TRABD2B: variants seen among roughly 807,000 people sequenced by gnomAD.
TRABD2B encodes the protein metalloprotease TIKI2.
TRABD2B carries 14 observed loss-of-function variants against 40.1 expected under a neutral mutation model. That is an observed-to-expected ratio of 0.35 (90% CI 0.23 to 0.55). The LOEUF (loss-of-function observed/expected upper bound fraction) is 0.55. Among genes scored for constraint, TRABD2B ranks in the 20% least tolerant of loss-of-function variants. The probability of loss-of-function intolerance (pLI) is 0.90; values close to 1 mark genes in which losing one functional copy is unlikely to be tolerated. For missense variants in TRABD2B, 541 were observed against 648.6 expected, an observed-to-expected ratio of 0.83 and a Z score of 1.80; for synonymous variants, 263 against 277.0, an observed-to-expected ratio of 0.95 and a Z score of 0.50.
At chr1:47,790,411 G>GC (rs922380547) in intron 4 of TRABD2B, among the ~76,000 whole-genome samples, 1 of 151,978 alleles carries the variant, frequency 6.6e-6, no homozygotes, top group South Asian at 2.1e-4. Flanking sequence ...TTCCATCTGG[G>GC]CCCCCCCAGC....
intron 6 of TRABD2B, 103 bp from the exon 7 acceptor site, chr1:47,766,209 A>G: frequency 1.5e-6 from 1 of 653,602 alleles, no homozygotes; most frequent in Non-Finnish European, 2.8e-6. Flanking sequence ...TTTGCCTAAT[A>G]CAATGGAGAA....
intron 2 of TRABD2B, among the ~76,000 whole-genome samples, chr1:47,869,420 CA>C (rs1644108651): frequency 6.6e-6 from 1 of 152,354 alleles, no homozygotes; most frequent in Admixed American, 6.5e-5. Context: ...TCAGCAACAA[CA>C]GGTGTGATCA....
At chr1:47,806,885 A>G (rs975808389) in intron 2 of TRABD2B, among the ~76,000 whole-genome samples, 10 of 152,298 alleles carry the variant, frequency 6.6e-5, no homozygotes, top group African/African-American at 2.2e-4. Context: ...GTTTAGAGTC[A>G]GGGTCCCTTG....
At chr1:47,875,731 C>T in intron 2 of TRABD2B, among the ~76,000 whole-genome samples, 1 of 144,330 alleles carries the variant, frequency 6.9e-6, no homozygotes, top group South Asian at 2.3e-4. Context: ...AAAGAAAGAG[C>T]AGAAAAGAAA....
chr1:47,857,759 G>GTAGC (rs1373245975), intron 2 of TRABD2B, among the ~76,000 whole-genome samples: 1 of 152,140 alleles, frequency 6.6e-6, no homozygotes, highest in African/African-American at 2.4e-5. Flanking sequence ...CTCCCTGGAT[G>GTAGC]TAGCCACTGG....
At chr1:47,903,603 C>T (rs1324025745) in intron 2 of TRABD2B, among the ~76,000 whole-genome samples, 2 of 151,990 alleles carry the variant, frequency 1.3e-5, no homozygotes, top group African/African-American at 4.8e-5. Flanking sequence ...AGGCTTGAGA[C>T]CCTGAGAAAA....
At chr1:47,791,791 G>A (rs947895989) in intron 4 of TRABD2B, among the ~76,000 whole-genome samples, 4 of 152,212 alleles carry the variant, frequency 2.6e-5, no homozygotes, top group Admixed American at 1.3e-4. Flanking sequence ...GCTTTCATGC[G>A]GATGCGTTCC....
intron 2 of TRABD2B, among the ~76,000 whole-genome samples, chr1:47,926,989 C>T (rs982616414): frequency 5.3e-5 from 8 of 152,228 alleles, no homozygotes; most frequent in African/African-American, 1.9e-4. Flanking sequence ...TACATCTATA[C>T]ACAGGCACTA....
rs563024288 is a variant in TRABD2B, at chr1:47,997,000, A to C, written c.-211T>G. ...GTCTGTTGGAAGAGGGAGACCCTCTAGGGCTGGGCCCCTCCCCCGGGCGCT... is the reference window on the plus strand; with the variant it reads ...GTCTGTTGGAAGAGGGAGACCCTCTCGGGCTGGGCCCCTCCCCCGGGCGCT... On this transcript the variant is annotated 5_prime_UTR_variant, in exon 1 of 7. Coordinates refer to ENST00000606738, the MANE Select transcript of TRABD2B (RefSeq NM_001194986.2). This position sits in a 1 kb window ranked among gnomAD's most constrained non-coding sequence, Gnocchi z 4.6. The C allele has an allele frequency of 2.7e-5, 29 of 1,083,888 alleles. No individual in the cohort carries two copies. The highest frequency in any genetic ancestry group is 3.2e-5 in the Non-Finnish European group (29 of 895,016). 67.1% of individuals were successfully genotyped at this position (1,083,888 alleles called of 1,614,324 possible).
At chr1:47,846,556 G>C (rs1343432708) in intron 2 of TRABD2B, among the ~76,000 whole-genome samples, 1 of 152,210 alleles carries the variant, frequency 6.6e-6, no homozygotes, top group East Asian at 1.9e-4. Context: ...GAGGTGCTGG[G>C]GAGGTTGAGT....
intron 2 of TRABD2B, among the ~76,000 whole-genome samples, chr1:47,840,058 T>A (rs775321036): frequency 1.1e-4 from 17 of 152,102 alleles, no homozygotes; most frequent in African/African-American, 2.4e-4. Flanking sequence ...GGGCCTGGGG[T>A]GCAGCCCAGG....
At chr1:47,928,098 C>T (rs1644993683) in intron 2 of TRABD2B, among the ~76,000 whole-genome samples, 1 of 152,166 alleles carries the variant, frequency 6.6e-6, no homozygotes, top group Admixed American at 6.5e-5. Context: ...AAGTATTGTT[C>T]TAGTCCATGG....
At chr1:47,901,252 C>G (rs1644595960) in intron 2 of TRABD2B, among the ~76,000 whole-genome samples, 1 of 152,176 alleles carries the variant, frequency 6.6e-6, no homozygotes, top group South Asian at 2.1e-4. Flanking sequence ...GCACTTGGAA[C>G]AAGTTCTTCT....
chr1:47,993,109 G>A (rs558887454), intron 2 of TRABD2B, among the ~76,000 whole-genome samples: 3 of 152,306 alleles, frequency 2.0e-5, no homozygotes, highest in Admixed American at 6.5e-5. Flanking sequence ...TGGGCAGCAC[G>A]TCTCTGAGCC....
chr1:47,857,988 G>T (rs972369023), intron 2 of TRABD2B, among the ~76,000 whole-genome samples: 1 of 145,858 alleles, frequency 6.9e-6, no homozygotes, highest in Non-Finnish European at 1.5e-5. Context: ...GATAGATAGA[G>T]ATCCCATTTG....
At chr1:47,940,134 G>A (rs1645166713) in intron 2 of TRABD2B, among the ~76,000 whole-genome samples, 1 of 152,188 alleles carries the variant, frequency 6.6e-6, no homozygotes, top group African/African-American at 2.4e-5. Flanking sequence ...TACACCGTCT[G>A]CTCCTGTTTA....
At chr1:47,891,044 C>A (rs1449697661) in intron 2 of TRABD2B, among the ~76,000 whole-genome samples, 2 of 152,184 alleles carry the variant, frequency 1.3e-5, no homozygotes, top group Non-Finnish European at 2.9e-5. Flanking sequence ...TGGCTGAGTT[C>A]CAATCCCGGC....
chr1:47,854,374 T>C (rs1435198387), intron 2 of TRABD2B, among the ~76,000 whole-genome samples: 2 of 152,206 alleles, frequency 1.3e-5, no homozygotes, highest in African/African-American at 4.8e-5. Flanking sequence ...CAGAGTCTGG[T>C]TCTGTTTTGA....
intron 2 of TRABD2B, among the ~76,000 whole-genome samples, chr1:47,815,489 G>C (rs1645018876): frequency 6.6e-6 from 1 of 152,168 alleles, no homozygotes; most frequent in South Asian, 2.1e-4. Context: ...GGCTCATGCA[G>C]GCATTCCAGC....
Sources: allele counts gnomAD v4.1 joint callset (sites outside exome capture counted in the v4.1 genomes callset), GRCh38; gene constraint gnomAD v4.1.1; non-coding constraint Gnocchi (gnomAD v3.1); transcripts MANE v1.5; gene names NCBI Gene and HGNC (gene_info 2026-07-23, HGNC 2026-07-21).